The following TCF7 variants were observed in gnomAD, a reference collection of about 807,000 sequenced individuals.
TCF7 encodes T-cell-factor-7.
Under a neutral mutation model 46.8 loss-of-function variants are expected in TCF7, and 19 were observed. The ratio of observed to expected loss-of-function variants is 0.41; its 90% confidence interval spans 0.28 to 0.60. TCF7 has a LOEUF of 0.60. TCF7 is among the 20% of genes least tolerant of loss of function. The probability of loss-of-function intolerance (pLI) is 0.35; values close to 1 mark genes in which losing one functional copy is unlikely to be tolerated. For synonymous variants in TCF7, 245 were observed against 213.4 expected (o/e 1.15, Z -1.29); for missense variants, 547 against 504.6 (o/e 1.08, Z -0.81).
At chr5:134,122,038 G>T (rs1489801021) in intron 3 of TCF7, among the ~76,000 whole-genome samples, 1 of 152,176 alleles carries the variant, frequency 6.6e-6, no homozygotes, top group Admixed American at 6.5e-5. Context: ...TTCCTTGGAA[G>T]GCTGCGTAGT....
Position 134,146,556 on chromosome 5 carries a change from A to AC in TCF7, c.*258dup. 2 of 711,572 alleles carry AC rather than the reference A, an allele frequency of 2.8e-6. No homozygotes were observed. The highest frequency in any genetic ancestry group is 2.6e-6 in the Non-Finnish European group (1 of 384,046). 44.1% of individuals were successfully genotyped at this position (711,572 alleles called of 1,614,324 possible). A position where few individuals can be genotyped will look rare whatever the true frequency, so the allele number is the denominator to read the frequency against. On this transcript the variant is annotated 3_prime_UTR_variant, in exon 10 of 10. Coordinates refer to ENST00000342854, the MANE Select transcript of TCF7 (RefSeq NM_003202.5). Reference sequence around the variant, plus strand: ...GACACCTGGCCGCCTCCAGGAGCCTACCCCCTGAAAGTGACAGAGACCCAG... The same window carrying AC: ...GACACCTGGCCGCCTCCAGGAGCCTACCCCCCTGAAAGTGACAGAGACCCAG...
intron 3 of TCF7, among the ~76,000 whole-genome samples, chr5:134,131,868 G>A (rs191574971): frequency 2.0e-5 from 3 of 152,374 alleles, no homozygotes; most frequent in East Asian, 3.9e-4. Flanking sequence ...CACCTGGGCC[G>A]GAGGAGCAGG....
chr5:134,115,272 G>T, intron 1 of TCF7, 49 bp from the exon 2 acceptor site: 1 of 1,474,738 alleles, frequency 6.8e-7, no homozygotes, highest in Middle Eastern at 2.4e-4. Flanking sequence ...CGTCGGCCCC[G>T]ACCCCCGCGG....
chr5:134,143,486 G>A (rs1760196351), intron 8 of TCF7, 106 bp from the exon 9 acceptor site: 5 of 1,347,660 alleles, frequency 3.7e-6, no homozygotes, highest in Non-Finnish European at 5.3e-6. Context: ...AGGTAGGAGG[G>A]GCCTGTACGC....
intron 3 of TCF7, among the ~76,000 whole-genome samples, chr5:134,121,654 G>A (rs191787146): frequency 2.5e-3 from 382 of 151,970 alleles, no homozygotes; most frequent in Non-Finnish European, 3.9e-3. Flanking sequence ...CACCCTGTGC[G>A]TGCCCCTCAT....
At chr5:134,118,229 A>G (rs1461347382) in intron 3 of TCF7, among the ~76,000 whole-genome samples, 1 of 152,168 alleles carries the variant, frequency 6.6e-6, no homozygotes, top group African/African-American at 2.4e-5. Flanking sequence ...GCCCCTTGCA[A>G]GGGCCCTGAG....
upstream of TCF7, among the ~76,000 whole-genome samples, chr5:134,111,959 AT>A (rs1755336397): frequency 6.6e-6 from 1 of 152,188 alleles, no homozygotes; most frequent in Non-Finnish European, 1.5e-5. Flanking sequence ...TGGTGTGATG[AT>A]TAAATGAGAT....
chr5:134,121,808 C>T (rs1756632792), intron 3 of TCF7, among the ~76,000 whole-genome samples: 1 of 152,102 alleles, frequency 6.6e-6, no homozygotes, highest in Non-Finnish European at 1.5e-5. Flanking sequence ...GACTATTTTC[C>T]TGAAGCATAA....
At chr5:134,141,869 A>C in intron 5 of TCF7, 1 of 238,802 alleles carries the variant, frequency 4.2e-6, no homozygotes, top group Non-Finnish European at 8.2e-6. Flanking sequence ...ATGAGGCCTC[A>C]CAGGGCAGCC....
At chr5:134,108,515 C>G in the TCF7 span, among the ~76,000 whole-genome samples, 1 of 152,152 alleles carries the variant, frequency 6.6e-6, no homozygotes, top group Admixed American at 6.5e-5. Flanking sequence ...CCCCTACTAC[C>G]CCTGTTGTCC....
intron 3 of TCF7, among the ~76,000 whole-genome samples, chr5:134,126,577 T>C (rs1271898325): frequency 6.6e-6 from 1 of 152,250 alleles, no homozygotes; most frequent in East Asian, 1.9e-4. Flanking sequence ...GTGCCAGGCC[T>C]ATGCCAGGGG....
At chr5:134,113,318 G>T (rs1755384584), upstream of TCF7, among the ~76,000 whole-genome samples, 1 of 152,230 alleles carries the variant, frequency 6.6e-6, no homozygotes, top group Admixed American at 6.5e-5. Flanking sequence ...TGGCGGGGGA[G>T]GGGGGTGTGG....
At chr5:134,130,763 C>T (rs1423548741) in intron 3 of TCF7, among the ~76,000 whole-genome samples, 1 of 152,098 alleles carries the variant, frequency 6.6e-6, no homozygotes, top group East Asian at 1.9e-4. Flanking sequence ...TGTGCCCAGC[C>T]CCAGCCAGGG....
At chr5:134,124,756 G>A (rs1248887622) in intron 3 of TCF7, among the ~76,000 whole-genome samples, 4 of 152,152 alleles carry the variant, frequency 2.6e-5, no homozygotes, top group Admixed American at 2.6e-4. Context: ...TCCAAATGAT[G>A]AGTGTGCGGC....
intron 5 of TCF7, chr5:134,139,640 G>A (rs1759435776): frequency 6.5e-6 from 1 of 153,178 alleles, no homozygotes; most frequent in African/African-American, 2.4e-5. Flanking sequence ...GGGCCAAAGG[G>A]CCTGTCCTCA....
intron 3 of TCF7, among the ~76,000 whole-genome samples, chr5:134,125,914 A>G (rs1251581620): frequency 6.6e-6 from 1 of 152,222 alleles, no homozygotes; most frequent in Non-Finnish European, 1.5e-5. Context: ...CCCTCTCCTT[A>G]TGGTCTCTAT....
upstream of TCF7, among the ~76,000 whole-genome samples, chr5:134,110,746 C>T (rs952219683): frequency 2.0e-5 from 3 of 152,240 alleles, no homozygotes; most frequent in East Asian, 5.8e-4. Context: ...TTACTAAATC[C>T]ATCTGGGGCT....
chr5:134,109,858 C>T (rs1430546764), upstream of TCF7, among the ~76,000 whole-genome samples: 1 of 151,914 alleles, frequency 6.6e-6, no homozygotes, highest in Admixed American at 6.6e-5. Context: ...ACTGACTTGA[C>T]TTCACTCGGC....
At chr5:134,133,970 C>G (rs536493647) in intron 3 of TCF7, among the ~76,000 whole-genome samples, 2 of 152,318 alleles carry the variant, frequency 1.3e-5, no homozygotes, top group African/African-American at 4.8e-5. Flanking sequence ...GTGCTGCAAC[C>G]TGGGGCTCAG....
Sources: gnomAD v4.1 joint callset for allele counts (sites outside exome capture counted in the v4.1 genomes callset) on GRCh38, gnomAD v4.1.1 for gene constraint, MANE v1.5 for transcripts, NCBI Gene and HGNC (gene_info 2026-07-23, HGNC 2026-07-21) for gene names.